Variants in RBFOX1 observed in about 807,000 individuals in gnomAD.
RBFOX1 encodes RNA binding protein fox-1 homolog 1.
RBFOX1 carries 8 observed loss-of-function variants against 57.7 expected under a neutral mutation model. The ratio of observed to expected loss-of-function variants is 0.14; its 90% CI spans 0.08 to 0.25. The LOEUF is 0.25. Among genes scored for constraint, RBFOX1 ranks in the 10% least tolerant of loss-of-function variants. The pLI, the probability that RBFOX1 is intolerant of heterozygous loss-of-function variation, is 1.00. For missense variants in RBFOX1, 611 were observed against 548.5 expected (o/e 1.11, Z -1.14); for synonymous variants, 326 against 222.4 (o/e 1.47, Z -4.15).
intron 3 of RBFOX1, among the ~76,000 whole-genome samples, chr16:7,032,918 G>T (rs149574197): frequency 2.0e-5 from 3 of 152,238 alleles, no homozygotes; most frequent in African/African-American, 7.2e-5. Context: ...TGGGAAGGAG[G>T]CTTTTCCTGG....
At chr16:7,030,364 G>A (rs1345189513) in intron 3 of RBFOX1, among the ~76,000 whole-genome samples, 1 of 152,138 alleles carries the variant, frequency 6.6e-6, no homozygotes, top group African/African-American at 2.4e-5. Flanking sequence ...AACGCCAACT[G>A]GATGGCTTTA....
intron 3 of RBFOX1, among the ~76,000 whole-genome samples, chr16:6,862,449 G>A (rs2059184476): frequency 6.6e-6 from 1 of 152,180 alleles, no homozygotes. Context: ...GGGATGCAAT[G>A]GCAGAGTTAT....
rs116416375 is a variant in RBFOX1, at chr16:6,984,935, C to G, written c.-15-67122C>G. On this transcript the variant is annotated intron_variant, in intron 3 of 15. Transcript: ENST00000550418. Reference sequence around the variant, plus strand: ...GGATTACAGGTATGAGACATTGCACCCGGTACCTTCTTTACTTACAAATCT... The same window carrying G: ...GGATTACAGGTATGAGACATTGCACGCGGTACCTTCTTTACTTACAAATCT... Among the ~76,000 whole-genome samples, 1,362 of 152,188 alleles carry G rather than the reference C, an allele frequency of 8.9e-3. 33 individuals are homozygous for G. The highest frequency in any genetic ancestry group is 0.031 in the African/African-American group (1,293 of 41,512).
intron 3 of RBFOX1, among the ~76,000 whole-genome samples, chr16:6,726,655 G>T (rs1194556164): frequency 6.6e-6 from 1 of 152,140 alleles, no homozygotes; most frequent in Non-Finnish European, 1.5e-5. Context: ...TGCATGCCCA[G>T]AGAACTAGCT....
intron 3 of RBFOX1, among the ~76,000 whole-genome samples, chr16:6,768,570 G>T (rs565196235): frequency 6.6e-6 from 1 of 151,646 alleles, no homozygotes; most frequent in Admixed American, 6.6e-5. Flanking sequence ...GTATGTATGA[G>T]AGAAAAAGAT....
At chr16:6,596,521 G>C (rs1047346599) in intron 2 of RBFOX1, among the ~76,000 whole-genome samples, 2 of 145,486 alleles carry the variant, frequency 1.4e-5, no homozygotes, top group Non-Finnish European at 2.9e-5. Flanking sequence ...CCACTCCTGT[G>C]TTCCTGGCAT....
intron 1 of RBFOX1, among the ~76,000 whole-genome samples, chr16:6,067,493 T>C (rs772275728): frequency 1.3e-5 from 2 of 152,242 alleles, no homozygotes; most frequent in African/African-American, 4.8e-5. Context: ...ACCGTACTTG[T>C]CTTACCTGTG....
intron 1 of RBFOX1, among the ~76,000 whole-genome samples, chr16:6,210,663 C>T (rs1001934771): frequency 6.6e-6 from 1 of 151,878 alleles, no homozygotes; most frequent in East Asian, 1.9e-4. Flanking sequence ...GTTGAGGCTG[C>T]ATTGAGCTGT....
intron 3 of RBFOX1, among the ~76,000 whole-genome samples, chr16:6,783,510 A>C (rs1482906257): frequency 6.6e-6 from 1 of 151,884 alleles, no homozygotes; most frequent in Non-Finnish European, 1.5e-5. Flanking sequence ...TCACAAAGAA[A>C]AAACATTAAA....
intron 4 of RBFOX1, among the ~76,000 whole-genome samples, chr16:7,508,304 A>T (rs1429813644): frequency 6.6e-6 from 1 of 152,090 alleles, no homozygotes; most frequent in Non-Finnish European, 1.5e-5. Flanking sequence ...TTTGTTTTTG[A>T]GTATTTTCTG....
chr16:7,388,488 C>A (rs1293419072), intron 4 of RBFOX1, among the ~76,000 whole-genome samples: 1 of 152,064 alleles, frequency 6.6e-6, no homozygotes, highest in African/African-American at 2.4e-5. Flanking sequence ...TTTATCATCT[C>A]TCTGCCCGGG....
At chr16:7,313,278 T>C (rs1339803784) in intron 4 of RBFOX1, among the ~76,000 whole-genome samples, 2 of 152,174 alleles carry the variant, frequency 1.3e-5, no homozygotes, top group East Asian at 3.8e-4. Context: ...TCTCTTTCTT[T>C]CTTCCTTTTC....
intron 2 of RBFOX1, among the ~76,000 whole-genome samples, chr16:6,325,644 A>G (rs28736794): frequency 0.037 from 5,659 of 152,220 alleles, 351 homozygotes; most frequent in African/African-American, 0.13. Flanking sequence ...GTAGAAGACT[A>G]TGGAAGTCAC....
intron 11 of RBFOX1, among the ~76,000 whole-genome samples, chr16:7,646,569 A>G (rs1245612607): frequency 1.3e-5 from 2 of 152,234 alleles, no homozygotes; most frequent in African/African-American, 4.8e-5. Context: ...CCCCTCATCC[A>G]TTCGGATGCC....
intron 4 of RBFOX1, among the ~76,000 whole-genome samples, chr16:5,881,257 A>C (rs1476730102): frequency 2.0e-5 from 3 of 152,128 alleles, no homozygotes; most frequent in Non-Finnish European, 4.4e-5. Context: ...TCCAAGCTCA[A>C]ATTATGTTTG....
At chr16:6,420,257 A>G (rs1056513355) in intron 2 of RBFOX1, among the ~76,000 whole-genome samples, 2 of 152,202 alleles carry the variant, frequency 1.3e-5, no homozygotes, top group African/African-American at 4.8e-5. Flanking sequence ...AATTTCTCAT[A>G]TATGTTAAAA....
intron 1 of RBFOX1, chr16:6,037,877 G>C (rs2152406317): frequency 6.6e-6 from 1 of 152,244 alleles, no homozygotes; most frequent in Non-Finnish European, 1.5e-5. Context: ...TTACAGGTGT[G>C]AGCCACCACA....
At chr16:7,166,237 T>C (rs756880173) in intron 4 of RBFOX1, among the ~76,000 whole-genome samples, 7 of 150,830 alleles carry the variant, frequency 4.6e-5, no homozygotes, top group Non-Finnish European at 8.9e-5. Flanking sequence ...TGGTCTCGAA[T>C]TCCTATCCTC....
Position 6,661,343 on chromosome 16 carries a change from G to C in RBFOX1, c.-16+6693G>C, listed in dbSNP as rs188015842. 4.7e-3 allele frequency among the ~76,000 whole-genome samples: 718 copies of C among 152,310 alleles called. 5 individuals carry two copies. Among genetic ancestry groups the C allele is most frequent in the Non-Finnish European group, 7.8e-3 (528 of 68,024 alleles). On this transcript the variant is annotated intron_variant, in intron 3 of 15. Coordinates refer to ENST00000550418, the MANE Select transcript of RBFOX1 (RefSeq NM_018723.4). ...CCTGGCAGAGGGAACAGAATGGCGA[G>C]GACAAGACGGTGTAGAGAACATGGT...
Sources: allele counts gnomAD v4.1 joint callset (sites outside exome capture counted in the v4.1 genomes callset), GRCh38; gene constraint gnomAD v4.1.1; transcripts MANE v1.5; gene names NCBI Gene and HGNC (gene_info 2026-07-23, HGNC 2026-07-21).